Variants in ARID1B observed in about 807,000 individuals in gnomAD.
The protein encoded by ARID1B is AT-rich interactive domain-containing protein 1B.
ARID1B carries 30 observed loss-of-function variants against 212.3 expected under a neutral mutation model. The ratio of observed to expected loss-of-function variants is 0.14; its 90% confidence interval spans 0.11 to 0.19. The LOEUF is 0.19. Among genes scored for constraint, ARID1B ranks in the 10% least tolerant of loss-of-function variants. ARID1B has a pLI of 1.00. For synonymous variants in ARID1B, 1,402 were observed against 1,301.7 expected (o/e 1.08, Z -1.66); for missense variants, 2,891 against 3,204.0 (o/e 0.90, Z 2.36).
At chr6:157,026,617 C>G (rs1360436764) in intron 4 of ARID1B, among the ~76,000 whole-genome samples, 1 of 152,112 alleles carries the variant, frequency 6.6e-6, no homozygotes, top group Admixed American at 6.5e-5. Flanking sequence ...TCCTCAGAGA[C>G]CTATTTCTTA....
rs372859172 is a variant in ARID1B at position 157,078,848 on chromosome 6, A to G, written c.2248-5814A>G. 4.6e-5 allele frequency among the ~76,000 whole-genome samples: 7 copies of G among 152,342 alleles called. No homozygotes were observed. The East Asian group carries it at 9.7e-4, about 21-fold the overall frequency. Reference sequence around the variant, plus strand: ...GTCCCCCTTAAAATGAGAGTTACCCATAATGGAATCTTTGCCTGAGAAATA... The same window carrying G: ...GTCCCCCTTAAAATGAGAGTTACCCGTAATGGAATCTTTGCCTGAGAAATA... On this transcript the variant is annotated intron_variant, in intron 4 of 19. Transcript: ENST00000636930.
rs2128376989 is a variant in ARID1B, at chr6:157,201,439, A to C, written c.5214A>C (p.Ala1738=). The change falls in exon 18 of 20, where the codon GCA becomes GCC. Residue 1738 remains alanine (A), a synonymous_variant. Coordinates refer to ENST00000636930, the MANE Select transcript of ARID1B (RefSeq NM_001374828.1). The surrounding 1 kb of genome is among the most constrained non-coding windows in gnomAD (Gnocchi z 5.2). The part of the protein sequence containing the change: ...EITFPPGSVE[A]SQPVLKQRRK... ...CCTTTCCTCCTGGCTCAGTAGAAGC[A>C]TCACAACCAGTCTTGAAACAAAGGC... The C allele has an allele frequency of 6.5e-7, 1 of 1,535,990 alleles. No homozygotes were observed. The highest frequency in any genetic ancestry group is 1.3e-5 in the South Asian group (1 of 79,160).
intron 7 of ARID1B, among the ~76,000 whole-genome samples, chr6:157,135,007 C>G (rs1349116703): frequency 6.6e-6 from 1 of 151,632 alleles, no homozygotes; most frequent in African/African-American, 2.4e-5. Context: ...CTTGGGCTAT[C>G]TAGTAAGTCT....
chr6:156,802,731 TAAG>T (rs1002245391), intron 1 of ARID1B, among the ~76,000 whole-genome samples: 2 of 152,204 alleles, frequency 1.3e-5, no homozygotes, highest in African/African-American at 4.8e-5. Context: ...AGCTTTTAAA[TAAG>T]GAGAAAGATT....
intron 6 of ARID1B, among the ~76,000 whole-genome samples, chr6:157,123,398 C>T (rs954397904): frequency 2.0e-5 from 3 of 152,158 alleles, no homozygotes; most frequent in Admixed American, 6.5e-5. Flanking sequence ...ATAACATGGT[C>T]GGCCAATTAT....
At chr6:157,018,212 CTTTTTTTT>C (rs1208883079) in intron 4 of ARID1B, among the ~76,000 whole-genome samples, 1 of 72,432 alleles carries the variant, frequency 1.4e-5, no homozygotes, top group South Asian at 5.8e-4. Context: ...AAGTAGTATG[CTTTTTTTT>C]TTTTTTTTTT....
intron 3 of ARID1B, among the ~76,000 whole-genome samples, chr6:156,922,745 A>G (rs1790909340): frequency 6.6e-6 from 1 of 152,208 alleles, no homozygotes; most frequent in Non-Finnish European, 1.5e-5. Context: ...AGAATCTGGT[A>G]AAAGCTACAG....
intron 11 of ARID1B, 79 bp from the exon 12 acceptor site, chr6:157,180,890 T>G: frequency 8.4e-7 from 1 of 1,186,582 alleles, no homozygotes; most frequent in Non-Finnish European, 1.2e-6. Flanking sequence ...ATTTGTTAGC[T>G]CATTACTTTT....
chr6:156,827,662 C>T (rs1284967219), intron 1 of ARID1B, among the ~76,000 whole-genome samples: 1 of 152,162 alleles, frequency 6.6e-6, no homozygotes, highest in East Asian at 1.9e-4. Context: ...CTCCCTTGAC[C>T]CAGTGCCTTG....
At chr6:157,175,601 T>G (rs1458544438) in intron 11 of ARID1B, 1 of 152,248 alleles carries the variant, frequency 6.6e-6, no homozygotes, top group Non-Finnish European at 1.5e-5. Flanking sequence ...TGTACCTATG[T>G]TAGAATCAGT....
intron 4 of ARID1B, among the ~76,000 whole-genome samples, chr6:156,995,719 A>G (rs1778547424): frequency 1.3e-5 from 2 of 152,242 alleles, no homozygotes; most frequent in Admixed American, 6.5e-5. Flanking sequence ...CTATTAAGCT[A>G]TCACCAGATG....
At chr6:157,039,864 C>CTTT (rs1781730405) in intron 4 of ARID1B, among the ~76,000 whole-genome samples, 1 of 102,060 alleles carries the variant, frequency 9.8e-6, no homozygotes, top group Non-Finnish European at 2.0e-5. Context: ...CTCTTTCTCT[C>CTTT]TCTTTCTCTT....
chr6:156,934,908 TTAATTATATATATATATATATA>T (rs1792037600), intron 3 of ARID1B, among the ~76,000 whole-genome samples: 1 of 97,412 alleles, frequency 1.0e-5, no homozygotes, highest in African/African-American at 4.0e-5. Flanking sequence ...AATTTAGTTG[TTAATTATATATATATATATATA>T]TATATATATA....
In ARID1B at chr6:156,777,926, C is replaced by G. The variant is rs1778745703; in HGVS notation, c.246C>G (p.Leu82=). 2.0e-6 allele frequency: 3 copies of G among 1,526,800 alleles called. No homozygotes were observed. In the African/African-American group the frequency reaches 4.1e-5, roughly 21 times the overall value. The allele number at this position is 1,526,800 out of a possible 1,614,324, so 94.6% of individuals were successfully genotyped here. A position where few individuals can be genotyped will look rare whatever the true frequency, so the allele number is the denominator to read the frequency against. The change falls in exon 1 of 20, where the codon CTC becomes CTG. Residue 82 remains leucine (L), a synonymous_variant. Transcript: ENST00000636930. The part of the protein sequence containing the change: ...HHHPLLPRHE[L]NMAHNAGAAA... ...ACCCCCTGCTCCCCCGTCACGAACT[C>G]AACATGGCCCATAACGCGGGCGCCG...
rs1338229753 is a variant in ARID1B at position 157,174,224 on chromosome 6, C to T, written c.3345+107C>T. ...CGACACTTTTTTTTCATTTGGTCTC[C>T]TCTGCATGCCTTCATTTTGTGCAAC... On this transcript the variant is annotated intron_variant, in intron 10 of 19. Coordinates refer to ENST00000636930, the MANE Select transcript of ARID1B (RefSeq NM_001374828.1). 4.8e-6 allele frequency: 4 copies of T among 836,184 alleles called. No homozygotes were observed. The Admixed American group carries it at 8.7e-5, about 18-fold the overall frequency. 51.8% of individuals were successfully genotyped at this position (836,184 alleles called of 1,614,324 possible).
chr6:157,182,671 T>C (rs1792646105), intron 12 of ARID1B, among the ~76,000 whole-genome samples: 1 of 152,126 alleles, frequency 6.6e-6, no homozygotes, highest in African/African-American at 2.4e-5. Flanking sequence ...ATCCATTCCA[T>C]GGGGGAACTG....
In ARID1B at chr6:156,932,151, G is replaced by C. The variant is rs1420467616; in HGVS notation, c.2137-3315G>C. Among the ~76,000 whole-genome samples the C allele has an allele frequency of 2.2e-5, 3 of 135,466 alleles. 1 individual carries two copies. The highest frequency in any genetic ancestry group is 4.5e-5 in the Non-Finnish European group (3 of 66,230). 88.9% of individuals were successfully genotyped at this position (135,466 alleles called of 152,430 possible). On this transcript the variant is annotated intron_variant, in intron 3 of 19. Coordinates refer to ENST00000636930, the MANE Select transcript of ARID1B (RefSeq NM_001374828.1). ...TTTCTTAAAAAAAAAAAAAAGGGGGGGGGCGGGGTGAAGAAATACCAAACT... is the reference window on the plus strand; with the variant it reads ...TTTCTTAAAAAAAAAAAAAAGGGGGCGGGCGGGGTGAAGAAATACCAAACT...
intron 4 of ARID1B, chr6:156,940,169 A>T (rs1792562195): frequency 6.6e-6 from 1 of 152,196 alleles, no homozygotes; most frequent in African/African-American, 2.4e-5. Flanking sequence ...GAATACAATC[A>T]GTTTGGCAGT....
chr6:156,905,462 G>C (rs1208314821), intron 3 of ARID1B, among the ~76,000 whole-genome samples: 1 of 152,170 alleles, frequency 6.6e-6, no homozygotes, highest in Non-Finnish European at 1.5e-5. Context: ...AAACTAAATG[G>C]ATAAGGCCCA....
Sources: allele counts gnomAD v4.1 joint callset (sites outside exome capture counted in the v4.1 genomes callset), GRCh38; gene constraint gnomAD v4.1.1; non-coding constraint Gnocchi (gnomAD v3.1); transcripts MANE v1.5; gene names NCBI Gene and HGNC (gene_info 2026-07-23, HGNC 2026-07-21).